EXT1: variants seen among roughly 807,000 people sequenced by gnomAD.
EXT1 encodes exostosin glycosyltransferase 1, also known as exostosin-1.
EXT1 carries 20 observed loss-of-function variants against 82.5 expected under a neutral mutation model. That is an observed-to-expected ratio of 0.24 (90% CI 0.17 to 0.35). The LOEUF is 0.35. EXT1 is among the 10% of genes least tolerant of loss of function. The pLI, the probability that EXT1 is intolerant of heterozygous loss-of-function variation, is 1.00. For missense variants in EXT1, 757 were observed against 936.5 expected (o/e 0.81, Z 2.50); for synonymous variants, 348 against 350.8 (o/e 0.99, Z 0.09).
chr8:118,033,936 A>T (rs1271836702), intron 1 of EXT1, among the ~76,000 whole-genome samples: 1 of 152,214 alleles, frequency 6.6e-6, no homozygotes, highest in Non-Finnish European at 1.5e-5. Context: ...TTTTAATAAC[A>T]AACTGTTAGA....
In EXT1 at chr8:117,960,624, T is replaced by A. The variant is rs137869628; in HGVS notation, c.963-123423A>T. ...TGTAGTGAGGAACTTTCACCATGCATAATAAAGAGAAAAATGTTGTAATCA... is the reference window on the plus strand; with the variant it reads ...TGTAGTGAGGAACTTTCACCATGCAAAATAAAGAGAAAAATGTTGTAATCA... On this transcript the variant is annotated intron_variant, in intron 1 of 10. Coordinates refer to ENST00000378204, the MANE Select transcript of EXT1 (RefSeq NM_000127.3). Among the ~76,000 whole-genome samples the A allele has an allele frequency of 6.9e-3, 1,052 of 152,288 alleles. 8 individuals are homozygous for A. Among genetic ancestry groups the A allele is most frequent in the African/African-American group, 0.023 (972 of 41,556 alleles).
intron 1 of EXT1, among the ~76,000 whole-genome samples, chr8:118,064,849 T>C (rs937061332): frequency 7.0e-6 from 1 of 143,530 alleles, no homozygotes; most frequent in Non-Finnish European, 1.5e-5. Flanking sequence ...TGTTGTTTCC[T>C]GAATTTTTTT....
chr8:117,882,250 T>C (rs1813073457), intron 1 of EXT1, among the ~76,000 whole-genome samples: 1 of 152,080 alleles, frequency 6.6e-6, no homozygotes, highest in African/African-American at 2.4e-5. Context: ...CCAGCTACTT[T>C]TTTGTCTTTT....
intron 1 of EXT1, among the ~76,000 whole-genome samples, chr8:118,088,677 G>A (rs1275943374): frequency 8.3e-6 from 1 of 120,846 alleles, no homozygotes; most frequent in Non-Finnish European, 1.9e-5. Flanking sequence ...AAAATGTGAT[G>A]CCTTCTCTTT....
chr8:118,006,264 A>G (rs886548659), intron 1 of EXT1, among the ~76,000 whole-genome samples: 7 of 152,158 alleles, frequency 4.6e-5, no homozygotes, highest in Non-Finnish European at 1.0e-4. Context: ...AACATCAACA[A>G]TGGGGGTCCC....
At chr8:117,998,174 C>T (rs969918763) in intron 1 of EXT1, among the ~76,000 whole-genome samples, 3 of 151,896 alleles carry the variant, frequency 2.0e-5, no homozygotes, top group South Asian at 2.1e-4. Flanking sequence ...CCAACATGCC[C>T]GGCTAATTTT....
chr8:117,983,180 A>T (rs1815243687), intron 1 of EXT1, among the ~76,000 whole-genome samples: 1 of 152,212 alleles, frequency 6.6e-6, no homozygotes, highest in African/African-American at 2.4e-5. Flanking sequence ...AACAGCATAA[A>T]CTATCAGAAT....
intron 1 of EXT1, among the ~76,000 whole-genome samples, chr8:117,990,376 G>C (rs1815407957): frequency 6.6e-6 from 1 of 152,196 alleles, no homozygotes; most frequent in Non-Finnish European, 1.5e-5. Flanking sequence ...GCTGGGCACA[G>C]CATCTATAGA....
chr8:117,819,647 A>G, intron 6 of EXT1, 29 bp downstream of exon 6: 2 of 1,588,964 alleles, frequency 1.3e-6, no homozygotes, highest in Non-Finnish European at 1.7e-6. Flanking sequence ...TGGAGCAGGC[A>G]GGGGCTTCTC....
intron 1 of EXT1, among the ~76,000 whole-genome samples, chr8:117,953,557 C>T (rs1455457390): frequency 6.6e-6 from 1 of 151,842 alleles, no homozygotes; most frequent in African/African-American, 2.4e-5. Context: ...GACTCAAATG[C>T]TTATGACTCA....
chr8:117,817,015 G>T (rs1485091648), intron 7 of EXT1, among the ~76,000 whole-genome samples: 1 of 152,172 alleles, frequency 6.6e-6, no homozygotes, highest in Non-Finnish European at 1.5e-5. Context: ...ATAAGGGCCT[G>T]CATGAAACTG....
intron 1 of EXT1, among the ~76,000 whole-genome samples, chr8:118,048,128 T>C (rs1816652903): frequency 1.3e-5 from 2 of 152,046 alleles, no homozygotes; most frequent in East Asian, 1.9e-4. Flanking sequence ...CCTTCCTACA[T>C]AGGGCAAGTC....
chr8:117,809,245 T>TATATATATATC (rs1563874289), intron 8 of EXT1, among the ~76,000 whole-genome samples: 1 of 66,050 alleles, frequency 1.5e-5, no homozygotes, highest in Non-Finnish European at 3.8e-5. Context: ...ATATATATAT[T>TATATATATATC]ATGTTCTATT....
chr8:118,091,746 C>A lies in EXT1; in HGVS notation c.962+18339G>T, dbSNP rs1435616234. ...GGCGACAGAGCGAGACTCCATCTCA[C>A]AAAAATAAATAAATAAATAAATCTA... On this transcript the variant is annotated intron_variant, in intron 1 of 10. Transcript: ENST00000378204. Among the ~76,000 whole-genome samples, 695 of 151,866 alleles carry A rather than the reference C, an allele frequency of 4.6e-3. 9 individuals carry two copies. The highest frequency in any genetic ancestry group is 0.029 in the South Asian group (138 of 4,798).
In EXT1 at chr8:118,111,377, GA is replaced by G. The variant is rs1190777853; in HGVS notation, c.-332del. ...CGGAGGAAAAGAAAGAGAGAGGGGA[GA>G]AAAAAAAAGCTCCCGATACCCAATC... On this transcript the variant is annotated 5_prime_UTR_variant, in exon 1 of 11. Transcript: ENST00000378204. 8.4e-5 allele frequency: 46 copies of G among 548,914 alleles called. No homozygotes were observed. The highest frequency in any genetic ancestry group is 4.0e-4 in the East Asian group (14 of 34,572). The allele number at this position is 548,914 out of a possible 1,614,324, so 34.0% of individuals were successfully genotyped here. A position where few individuals can be genotyped will look rare whatever the true frequency, so the allele number is the denominator to read the frequency against.
Position 117,824,985 on chromosome 8 carries a change from G to C in EXT1, c.1285-2388C>G, listed in dbSNP as rs372355898. Among the ~76,000 whole-genome samples, 7 of 152,192 alleles carry C rather than the reference G, an allele frequency of 4.6e-5. No homozygotes were observed. The East Asian group carries it at 7.7e-4, about 17-fold the overall frequency. Reference sequence around the variant, plus strand: ...GGGCTCAAAGGATACTCCCGCCTCAGCCTCCTGAGTAGCTGGGACCACAGG... The same window carrying C: ...GGGCTCAAAGGATACTCCCGCCTCACCCTCCTGAGTAGCTGGGACCACAGG... On this transcript the variant is annotated intron_variant, in intron 4 of 10. Transcript: ENST00000378204.
chr8:117,950,291 A>C (rs949348225), intron 1 of EXT1, among the ~76,000 whole-genome samples: 1 of 152,206 alleles, frequency 6.6e-6, no homozygotes, highest in Non-Finnish European at 1.5e-5. Flanking sequence ...AAGTTCTAGT[A>C]GTCTTGCCAT....
At chr8:117,874,584 A>G (rs1363594714) in intron 1 of EXT1, among the ~76,000 whole-genome samples, 1 of 150,694 alleles carries the variant, frequency 6.6e-6, no homozygotes, top group Non-Finnish European at 1.5e-5. Context: ...TCAAAAAAAA[A>G]AAAAAAAAAG....
intron 1 of EXT1, among the ~76,000 whole-genome samples, chr8:117,914,434 G>C (rs1813708361): frequency 6.6e-6 from 1 of 152,064 alleles, no homozygotes; most frequent in African/African-American, 2.4e-5. Context: ...TGATTTTTAG[G>C]GAACAAGGGA....
Sources: allele counts gnomAD v4.1 joint callset (sites outside exome capture counted in the v4.1 genomes callset), GRCh38; gene constraint gnomAD v4.1.1; transcripts MANE v1.5; gene names NCBI Gene and HGNC (gene_info 2026-07-23, HGNC 2026-07-21).